ACTN2: variants seen among roughly 807,000 people sequenced by gnomAD.
ACTN2 encodes the protein actinin alpha 2, also known as alpha-actinin-2.
In ACTN2, 39 loss-of-function variants were observed where a neutral mutation model predicts 113.8. That is an observed-to-expected ratio of 0.34 (90% CI 0.27 to 0.45). ACTN2 has a LOEUF of 0.45. Among genes scored for constraint, ACTN2 ranks in the 20% least tolerant of loss-of-function variants. The probability of loss-of-function intolerance (pLI) is 1.00; values close to 1 mark genes in which losing one functional copy is unlikely to be tolerated. For synonymous variants in ACTN2, 429 were observed against 444.1 expected, an observed-to-expected ratio of 0.97 and a Z score of 0.43; for missense variants, 992 against 1,177.9, an observed-to-expected ratio of 0.84 and a Z score of 2.31.
chr1:236,733,108 T>C (rs1460150094), intron 7 of ACTN2, among the ~76,000 whole-genome samples: 1 of 152,246 alleles, frequency 6.6e-6, no homozygotes, highest in Non-Finnish European at 1.5e-5. Context: ...AAATTTCCTT[T>C]CCTCTTTTTC....
chr1:236,687,096 C>T (rs1007013370), intron 1 of ACTN2, among the ~76,000 whole-genome samples: 15 of 152,252 alleles, frequency 9.9e-5, no homozygotes, highest in Admixed American at 9.8e-4. Context: ...CTGGTCTGCT[C>T]CTGACCCCTT....
chr1:236,750,294 CT>C (rs1260269535), intron 14 of ACTN2, among the ~76,000 whole-genome samples: 1 of 152,088 alleles, frequency 6.6e-6, no homozygotes, highest in Non-Finnish European at 1.5e-5. Context: ...GAAACCACAC[CT>C]CCCTACCAGG....
intron 1 of ACTN2, among the ~76,000 whole-genome samples, chr1:236,710,799 G>C (rs1277488939): frequency 2.6e-5 from 4 of 152,218 alleles, no homozygotes; most frequent in Non-Finnish European, 5.9e-5. Flanking sequence ...ACTGTGAACT[G>C]TGTGCCAGAA....
At chr1:236,743,942 G>A (rs533229257) in intron 11 of ACTN2, among the ~76,000 whole-genome samples, 63 of 152,184 alleles carry the variant, frequency 4.1e-4, no homozygotes, top group Non-Finnish European at 7.9e-4. Context: ...GTAGCGTCTA[G>A]TACACAGTAA....
At position 236,763,665 on chromosome 1, in the gene ACTN2, T is replaced by TTTAC. The variant is rs945483472; in HGVS notation, c.*1047_*1050dup. On this transcript the variant is annotated 3_prime_UTR_variant, in exon 21 of 21. Transcript: ENST00000366578. ...GGTGAGTTCTTTCTTTTGCGGAAGC[T>TTTAC]TTACATATGTTTTGTGTAGTAGGAA... 30 of 152,232 alleles carry TTTAC rather than the reference T, an allele frequency of 2.0e-4. No homozygotes were observed. Among genetic ancestry groups the TTTAC allele is most frequent in the African/African-American group, 7.2e-4 (30 of 41,446 alleles). The allele number at this position is 152,232 out of a possible 1,614,324, so 9.4% of individuals were successfully genotyped here. A position where few individuals can be genotyped will look rare whatever the true frequency, so the allele number is the denominator to read the frequency against.
chr1:236,694,647 CT>C (rs1310137848), intron 1 of ACTN2, among the ~76,000 whole-genome samples: 1 of 152,246 alleles, frequency 6.6e-6, no homozygotes, highest in Admixed American at 6.5e-5. Flanking sequence ...GTCTTTATGA[CT>C]TTTTGAGCTC....
intron 8 of ACTN2, 55 bp from the exon 9 acceptor site, chr1:236,737,067 G>C (rs923347922): frequency 1.1e-5 from 16 of 1,442,276 alleles, no homozygotes; most frequent in Non-Finnish European, 1.5e-5. Flanking sequence ...GTTCCATGCT[G>C]TGTGTGCGCA....
At chr1:236,729,876 C>G (rs149025139) in intron 6 of ACTN2, among the ~76,000 whole-genome samples, 1 of 152,210 alleles carries the variant, frequency 6.6e-6, no homozygotes, top group East Asian at 1.9e-4. Flanking sequence ...ACAAAACATC[C>G]GTAGATCTGT....
At position 236,725,926 on chromosome 1, in the gene ACTN2, A is replaced by T; in HGVS notation, c.449-7A>T. On this transcript the variant is annotated splice_region_variant and splice_polypyrimidine_tract_variant and intron_variant, in intron 4 of 20. Coordinates refer to ENST00000366578, the MANE Select transcript of ACTN2 (RefSeq NM_001103.4). ...CTGGGGCCACTTTTTCTTGGCTGTC[A>T]TTACAGAAACATCTGCCAAAGAAGG... 6.2e-7 allele frequency: 1 copy of T among 1,614,080 alleles called. No individual in the cohort carries two copies. Among genetic ancestry groups the T allele is most frequent in the Non-Finnish European group, 8.5e-7 (1 of 1,179,918 alleles).
chr1:236,739,237 T>C (rs1007029484), intron 9 of ACTN2, 65 bp from the exon 10 acceptor site: 1 of 1,520,080 alleles, frequency 6.6e-7, no homozygotes, highest in East Asian at 2.3e-5. Flanking sequence ...GCCTCATTTT[T>C]TTTTTTTAAC....
rs186892963 is a variant in ACTN2, at chr1:236,696,996, A to G, written c.126+10197A>G. 1.1e-3 allele frequency among the ~76,000 whole-genome samples: 163 copies of G among 152,266 alleles called. 1 individual carries two copies. Among genetic ancestry groups the G allele is most frequent in the Non-Finnish European group, 1.3e-3 (88 of 68,020 alleles). On this transcript the variant is annotated intron_variant, in intron 1 of 20. Coordinates refer to ENST00000366578, the MANE Select transcript of ACTN2 (RefSeq NM_001103.4). ...CCACTATATTTGATGCCCTTGACCAATACCACAAAATAGCCAGGCTGTAAA... is the reference window on the plus strand; with the variant it reads ...CCACTATATTTGATGCCCTTGACCAGTACCACAAAATAGCCAGGCTGTAAA...
At chr1:236,704,080 A>C (rs369059860) in intron 1 of ACTN2, among the ~76,000 whole-genome samples, 2 of 152,178 alleles carry the variant, frequency 1.3e-5, no homozygotes, top group East Asian at 3.8e-4. Flanking sequence ...CGGAGTTTTA[A>C]ATGTAGAATT....
chr1:236,707,308 TCAGAGAC>T (rs1657856171), intron 1 of ACTN2, among the ~76,000 whole-genome samples: 1 of 152,224 alleles, frequency 6.6e-6, no homozygotes, highest in African/African-American at 2.4e-5. Flanking sequence ...GATTCTTAGA[TCAGAGAC>T]CTTCTTGCAC....
intron 1 of ACTN2, among the ~76,000 whole-genome samples, chr1:236,696,666 AT>A (rs34828949): frequency 0.43 from 55,266 of 129,672 alleles, 10,956 homozygotes; most frequent in Non-Finnish European, 0.52. Flanking sequence ...TTGTCCCACT[AT>A]TTTTTTTTTT....
chr1:236,748,251 T>C (rs1558245674), intron 13 of ACTN2: 1 of 171,282 alleles, frequency 5.8e-6, no homozygotes, highest in Non-Finnish European at 1.3e-5. Flanking sequence ...TAACTGCCCC[T>C]AATTGTCTTT....
intron 1 of ACTN2, among the ~76,000 whole-genome samples, chr1:236,702,026 G>A (rs946933308): frequency 2.6e-5 from 4 of 152,166 alleles, no homozygotes; most frequent in African/African-American, 9.7e-5. Flanking sequence ...GGATATTAAG[G>A]ACTCTAAAGG....
chr1:236,709,368 G>GTGTA (rs1553298655), intron 1 of ACTN2, among the ~76,000 whole-genome samples: 3 of 137,368 alleles, frequency 2.2e-5, no homozygotes, highest in African/African-American at 5.6e-5. Flanking sequence ...ACGTGTGTGT[G>GTGTA]TATATATATA....
intron 1 of ACTN2, among the ~76,000 whole-genome samples, chr1:236,707,752 C>T (rs1364065206): frequency 5.9e-5 from 8 of 135,794 alleles, no homozygotes; most frequent in Non-Finnish European, 1.2e-4. Context: ...CACTCTGTCA[C>T]CCAGGCTGGA....
Position 236,744,662 on chromosome 1 carries a change from C to T in ACTN2, c.1292C>T (p.Ser431Leu), listed in dbSNP as rs149846886. 229 of 1,614,198 alleles carry T rather than the reference C, an allele frequency of 1.4e-4. 1 individual carries two copies. The South Asian group carries it at 1.9e-3, about 13-fold the overall frequency. ...ATCTTGCTGCAGAAGGATTACGAGT[C>T]GGCGTCGCTGACAGAGGTGCGGGCT... ...EQILLQKDYESASLTEVRALL... is the reference protein window; with the variant it reads ...EQILLQKDYELASLTEVRALL... The change falls in exon 12 of 21, where the codon TCG (serine) becomes TTG (leucine). Residue 431 changes from serine to leucine, a missense_variant. Transcript: ENST00000366578.
Sources: allele counts gnomAD v4.1 joint callset (sites outside exome capture counted in the v4.1 genomes callset), GRCh38; gene constraint gnomAD v4.1.1; transcripts MANE v1.5; gene names NCBI Gene and HGNC (gene_info 2026-07-23, HGNC 2026-07-21).